SERPINE2: variants seen among roughly 807,000 people sequenced by gnomAD.
SERPINE2 encodes glia-derived nexin.
Under a neutral mutation model 36.3 loss-of-function variants are expected in SERPINE2, and 14 were observed. The observed-to-expected ratio is 0.39, with a 90% CI of 0.25 to 0.60. The LOEUF (loss-of-function observed/expected upper bound fraction) is 0.60, where lower values mean the gene tolerates loss of function less well. Ranked by LOEUF, SERPINE2 falls within the 20% of genes least tolerant of loss-of-function variation. SERPINE2 has a pLI of 0.57. For missense variants in SERPINE2, 418 were observed against 499.6 expected, an observed-to-expected ratio of 0.84 and a Z score of 1.56; for synonymous variants, 192 against 191.8, an observed-to-expected ratio of 1.00 and a Z score of -0.01.
intron 1 of SERPINE2, among the ~76,000 whole-genome samples, chr2:224,003,920 GTC>G (rs1283346547): frequency 3.3e-5 from 5 of 152,146 alleles, no homozygotes; most frequent in African/African-American, 1.2e-4. Flanking sequence ...GGGAAATCAT[GTC>G]TCTGTGTGCT....
At chr2:224,005,068 T>TATATAC (rs1691358344) in intron 1 of SERPINE2, among the ~76,000 whole-genome samples, 1 of 8,548 alleles carries the variant, frequency 1.2e-4, no homozygotes, top group African/African-American at 2.8e-4. Context: ...ATATATATTA[T>TATATAC]ATATATATAT....
intron 1 of SERPINE2, among the ~76,000 whole-genome samples, chr2:224,036,864 G>T (rs1207616762): frequency 2.0e-5 from 3 of 151,766 alleles, no homozygotes; most frequent in Non-Finnish European, 4.4e-5. Flanking sequence ...GGGAGAGACT[G>T]AAGATAAAAG....
chr2:224,013,703 G>A (rs1010059645), intron 1 of SERPINE2, among the ~76,000 whole-genome samples: 1 of 152,166 alleles, frequency 6.6e-6, no homozygotes, highest in Non-Finnish European at 1.5e-5. Flanking sequence ...TGTAAGGAGT[G>A]ACCAGGCGGT....
intron 1 of SERPINE2, among the ~76,000 whole-genome samples, chr2:224,019,121 A>T (rs1472245356): frequency 6.6e-6 from 1 of 152,158 alleles, no homozygotes; most frequent in Non-Finnish European, 1.5e-5. Context: ...CCCTCAGTGG[A>T]TGCCTGAAAC....
chr2:224,036,388 C>A, intron 1 of SERPINE2, among the ~76,000 whole-genome samples: 1 of 148,942 alleles, frequency 6.7e-6, no homozygotes, highest in African/African-American at 2.5e-5. Flanking sequence ...CATCAAATGC[C>A]ACGGAGAAAC....
chr2:224,017,327 A>G (rs901018038), intron 1 of SERPINE2, among the ~76,000 whole-genome samples: 3 of 151,976 alleles, frequency 2.0e-5, no homozygotes, highest in African/African-American at 7.3e-5. Flanking sequence ...CAACAAAAAA[A>G]CCCTACTGTA....
chr2:223,998,400 A>G lies in SERPINE2; in HGVS notation c.260-58T>C, dbSNP rs924883048. On this transcript the variant is annotated intron_variant, in intron 2 of 8. Transcript: ENST00000409304. ...TCCATAAGAATCTAGAAAAGTTTTT[A>G]AAATCTTTTATGTTGCAGCAAGTAA... The G allele has an allele frequency of 5.8e-6, 8 of 1,381,440 alleles. No individual in the cohort carries two copies. The African/African-American group carries it at 1.1e-4, about 20-fold the overall frequency. 85.6% of individuals were successfully genotyped at this position (1,381,440 alleles called of 1,614,324 possible).
At position 223,984,961 on chromosome 2, in the gene SERPINE2, C is replaced by T. The variant is rs761164442; in HGVS notation, c.686-11G>A. The T allele has an allele frequency of 1.4e-5, 23 of 1,613,596 alleles. No homozygotes were observed. Among genetic ancestry groups the T allele is most frequent in the Non-Finnish European group, 1.9e-5 (23 of 1,179,636 alleles). ...GGGCACTTGTCGACCCTAAAGAAAT[C>T]AGAAGCAGGTTCAGTGTATCCTTGT... On this transcript the variant is annotated splice_polypyrimidine_tract_variant and intron_variant, in intron 4 of 8. Coordinates refer to ENST00000409304, the MANE Select transcript of SERPINE2 (RefSeq NM_001136528.2).
At chr2:224,017,981 T>C (rs751720582) in intron 1 of SERPINE2, among the ~76,000 whole-genome samples, 14 of 152,228 alleles carry the variant, frequency 9.2e-5, no homozygotes, top group Non-Finnish European at 1.9e-4. Flanking sequence ...TGGTCTTTTT[T>C]CAATTTCCTT....
chr2:223,988,174 T>C (rs2106145100), intron 4 of SERPINE2, among the ~76,000 whole-genome samples: 1 of 152,174 alleles, frequency 6.6e-6, no homozygotes, highest in African/African-American at 2.4e-5. Flanking sequence ...GGGCAATACA[T>C]ATATTTATTT....
At position 223,994,836 on chromosome 2, in the gene SERPINE2, T is replaced by C. The variant is rs528485664; in HGVS notation, c.488-2836A>G. Among the ~76,000 whole-genome samples, 4 of 152,216 alleles carry C rather than the reference T, an allele frequency of 2.6e-5. No individual in the cohort carries two copies. In the South Asian group the frequency reaches 6.2e-4, roughly 24 times the overall value. On this transcript the variant is annotated intron_variant, in intron 3 of 8. Transcript: ENST00000409304. ...ATTCACATCCTCACACCAGCCTTAATTGTTGTTAGAATTATTTGAATAGGT... is the reference window on the plus strand; with the variant it reads ...ATTCACATCCTCACACCAGCCTTAACTGTTGTTAGAATTATTTGAATAGGT...
chr2:224,010,735 A>G (rs1481853474), intron 1 of SERPINE2, among the ~76,000 whole-genome samples: 1 of 152,230 alleles, frequency 6.6e-6, no homozygotes, highest in Non-Finnish European at 1.5e-5. Flanking sequence ...CAATAGGTGC[A>G]AACTGAAAGA....
intron 1 of SERPINE2, among the ~76,000 whole-genome samples, chr2:224,023,684 T>C (rs998421262): frequency 6.6e-6 from 1 of 152,266 alleles, no homozygotes; most frequent in East Asian, 1.9e-4. Flanking sequence ...AGGTGTCATA[T>C]TAAAATACAT....
rs182052689 is a variant in SERPINE2, at chr2:223,997,267, C to T, written c.487+848G>A. On this transcript the variant is annotated intron_variant, in intron 3 of 8. Transcript: ENST00000409304. The stretch of plus-strand genomic sequence containing the variant: ...ACACAGTCTCATTCTGTTGCCCAGG[C>T]TGGAGTGCAGGGTTGCAATCTCGGC... Among the ~76,000 whole-genome samples the T allele has an allele frequency of 5.9e-3, 896 of 152,228 alleles. 9 individuals carry two copies. Among genetic ancestry groups the T allele is most frequent in the African/African-American group, 0.021 (862 of 41,516 alleles).
intron 4 of SERPINE2, among the ~76,000 whole-genome samples, chr2:223,987,058 C>A (rs1690463707): frequency 1.3e-5 from 2 of 152,248 alleles, no homozygotes; most frequent in Middle Eastern, 3.4e-3. Context: ...GGTTATAAGA[C>A]CTGTATTCAA....
At chr2:223,998,545 C>T (rs1273123415) in intron 2 of SERPINE2, among the ~76,000 whole-genome samples, 2 of 151,944 alleles carry the variant, frequency 1.3e-5, no homozygotes. Context: ...TGACAAAACC[C>T]TGTCTCTACC....
At chr2:223,975,986 A>G in intron 8 of SERPINE2, 82 bp from the exon 9 acceptor site, 2 of 1,305,538 alleles carry the variant, frequency 1.5e-6, no homozygotes, top group Non-Finnish European at 2.2e-6. Context: ...TATTTAAGGG[A>G]AGGGAAACAA....
intron 1 of SERPINE2, among the ~76,000 whole-genome samples, chr2:224,018,428 A>G (rs2106188119): frequency 6.6e-6 from 1 of 152,282 alleles, no homozygotes; most frequent in East Asian, 1.9e-4. Flanking sequence ...TAGATGGATG[A>G]AATACCTCAT....
At chr2:223,985,431 T>C (rs1327788538) in intron 4 of SERPINE2, among the ~76,000 whole-genome samples, 1 of 152,142 alleles carries the variant, frequency 6.6e-6, no homozygotes, top group African/African-American at 2.4e-5. Flanking sequence ...CTCACATAAT[T>C]ACCCATTTTG....
Sources: allele counts gnomAD v4.1 joint callset (sites outside exome capture counted in the v4.1 genomes callset), GRCh38; gene constraint gnomAD v4.1.1; transcripts MANE v1.5; gene names NCBI Gene and HGNC (gene_info 2026-07-23, HGNC 2026-07-21).